Variants in ETV1 observed in about 807,000 individuals in gnomAD.
ETV1 encodes the protein ETS translocation variant 1.
In ETV1, 27 loss-of-function variants were observed where a neutral mutation model predicts 62.3. That is an observed-to-expected ratio of 0.43 (90% CI 0.32 to 0.60). ETV1 has a LOEUF of 0.60. Among genes scored for constraint, ETV1 ranks in the 20% least tolerant of loss-of-function variants. ETV1 has a pLI of 0.06. For missense variants in ETV1, 605 were observed against 605.8 expected, an observed-to-expected ratio of 1.00 and a Z score of 0.01; for synonymous variants, 222 against 199.6, an observed-to-expected ratio of 1.11 and a Z score of -0.94.
At chr7:13,985,329 T>C (rs1292584052) in intron 5 of ETV1, 1 of 152,128 alleles carries the variant, frequency 6.6e-6, no homozygotes, top group Non-Finnish European at 1.5e-5. Flanking sequence ...TCCTTAAATA[T>C]AGCCAAAACT....
intron 9 of ETV1, among the ~76,000 whole-genome samples, chr7:13,917,608 C>T (rs1221649906): frequency 5.3e-5 from 8 of 151,824 alleles, no homozygotes; most frequent in South Asian, 2.1e-4. Flanking sequence ...TGAGCCACCG[C>T]GCCTGACCAA....
At chr7:13,897,143 A>G (rs553170062) in intron 13 of ETV1, among the ~76,000 whole-genome samples, 16 of 134,020 alleles carry the variant, frequency 1.2e-4, no homozygotes, top group African/African-American at 4.5e-4. Flanking sequence ...TGCTCTCAAA[A>G]CCCGGGGTGG....
chr7:13,978,935 T>C (rs1781713528), intron 5 of ETV1, among the ~76,000 whole-genome samples: 1 of 152,048 alleles, frequency 6.6e-6, no homozygotes, highest in South Asian at 2.1e-4. Flanking sequence ...TTAACCTTAT[T>C]ACCAATGCAC....
chr7:13,892,065 T>C lies in ETV1; in HGVS notation c.*3801A>G, dbSNP rs1479941306. The stretch of plus-strand genomic sequence containing the variant: ...TCTTTCCTGGTTATATAAAGATAAG[T>C]TGACTCATTTTGCAATTGTTCTTTT... On this transcript the variant is annotated 3_prime_UTR_variant, in exon 14 of 14. Transcript: ENST00000430479. 4.3e-6 allele frequency: 1 copy of C among 232,174 alleles called. No individual in the cohort carries two copies. The highest frequency in any genetic ancestry group is 8.5e-6 in the Non-Finnish European group (1 of 117,540). The allele number at this position is 232,174 out of a possible 1,614,324, so 14.4% of individuals were successfully genotyped here.
intron 9 of ETV1, among the ~76,000 whole-genome samples, chr7:13,912,397 C>T (rs774666034): frequency 2.0e-5 from 3 of 152,196 alleles, no homozygotes; most frequent in Non-Finnish European, 4.4e-5. Context: ...TGGATAATTT[C>T]ACTAATACCA....
chr7:13,961,581 G>A (rs1452290655), intron 6 of ETV1, among the ~76,000 whole-genome samples: 1 of 151,946 alleles, frequency 6.6e-6, no homozygotes, highest in Non-Finnish European at 1.5e-5. Context: ...CATCTTAATT[G>A]AAAAATCAAC....
chr7:13,918,837 C>T (rs1784496371), intron 9 of ETV1, among the ~76,000 whole-genome samples: 1 of 143,756 alleles, frequency 7.0e-6, no homozygotes, highest in Non-Finnish European at 1.5e-5. Flanking sequence ...AACTAACCTG[C>T]ACAATGTGCA....
rs145866556 is a variant in ETV1, at chr7:13,942,337, A to G, written c.236-3091T>C. On this transcript the variant is annotated intron_variant, in intron 6 of 13. Transcript: ENST00000430479. ...CGTGCCCGGCCTCTTTTTTTAAACA[A>G]GTGGTTTTCGATTATTTATTACATC... 9.2e-4 allele frequency among the ~76,000 whole-genome samples: 133 copies of G among 144,786 alleles called. 1 individual carries two copies. Among genetic ancestry groups the G allele is most frequent in the African/African-American group, 3.1e-3 (125 of 40,504 alleles). The allele number at this position is 144,786 out of a possible 152,430, so 95.0% of individuals were successfully genotyped here. A position where few individuals can be genotyped will look rare whatever the true frequency, so the allele number is the denominator to read the frequency against.
At chr7:13,975,117 G>T (rs1205997803) in intron 6 of ETV1, 1 of 152,202 alleles carries the variant, frequency 6.6e-6, no homozygotes, top group Non-Finnish European at 1.5e-5. Flanking sequence ...ATTAAATAAA[G>T]TTAAAAATTC....
At chr7:13,990,856 C>A (rs1244381636), upstream of ETV1, among the ~76,000 whole-genome samples, 3 of 152,108 alleles carry the variant, frequency 2.0e-5, no homozygotes, top group Non-Finnish European at 4.4e-5. Context: ...GCTGTTCCGC[C>A]CGTTAGGAAA....
intron 6 of ETV1, among the ~76,000 whole-genome samples, chr7:13,965,058 A>G (rs1339969858): frequency 2.6e-5 from 4 of 152,250 alleles, no homozygotes; most frequent in Admixed American, 1.3e-4. Flanking sequence ...CGCTGCTGCT[A>G]CTACTACTAC....
At chr7:13,935,984 T>A in intron 7 of ETV1, 88 bp from the exon 8 acceptor site, 1 of 1,054,946 alleles carries the variant, frequency 9.5e-7, no homozygotes, top group Non-Finnish European at 1.4e-6. Flanking sequence ...GAAAAGATAT[T>A]TTAGACTTAA....
Position 13,935,821 on chromosome 7 carries a change from T to C in ETV1, c.441A>G (p.Pro147=), listed in dbSNP as rs1316141691. The change falls in exon 8 of 14, where the codon CCA becomes CCG. Residue 147 remains proline (P), a synonymous_variant. Coordinates refer to ENST00000430479, the MANE Select transcript of ETV1 (RefSeq NM_004956.5). The part of the protein sequence containing the change: ...PPTPSSTPVS[P]LHHASPNSTH... ...TTGAGTTTGGAGATGCATGATGCAG[T>C]GGGGACACTGGCGTGCTGGATGGTG... 1.2e-6 allele frequency: 2 copies of C among 1,613,846 alleles called. No homozygotes were observed. The highest frequency in any genetic ancestry group is 1.6e-4 in the Middle Eastern group (1 of 6,062).
chr7:13,942,744 CAT>C, intron 6 of ETV1, among the ~76,000 whole-genome samples: 2 of 152,210 alleles, frequency 1.3e-5, no homozygotes, highest in Middle Eastern at 6.8e-3. Flanking sequence ...AGTAACAAAT[CAT>C]ATTATACTTG....
chr7:13,986,626 A>G lies in ETV1; in HGVS notation c.181+12T>C. Reference sequence around the variant, plus strand: ...GTTGCTTTCCCCCCTTTTAAAGCAAATTTTGCCTTACCTTCTGCAAGCCAT... The same window carrying G: ...GTTGCTTTCCCCCCTTTTAAAGCAAGTTTTGCCTTACCTTCTGCAAGCCAT... On this transcript the variant is annotated intron_variant, in intron 5 of 13. Coordinates refer to ENST00000430479, the MANE Select transcript of ETV1 (RefSeq NM_004956.5). 6.2e-7 allele frequency: 1 copy of G among 1,611,876 alleles called. No individual in the cohort carries two copies. The highest frequency in any genetic ancestry group is 8.5e-7 in the Non-Finnish European group (1 of 1,178,966).
chr7:13,936,068 C>T (rs1410334267), intron 7 of ETV1, among the ~76,000 whole-genome samples, 172 bp from the exon 8 acceptor site: 6 of 152,172 alleles, frequency 3.9e-5, no homozygotes, highest in Non-Finnish European at 8.8e-5. Context: ...AAAATCACAA[C>T]ACCCTTAAAC....
At chr7:13,970,326 A>ACACACACACACACAC (rs1562698769) in intron 6 of ETV1, among the ~76,000 whole-genome samples, 2 of 138,482 alleles carry the variant, frequency 1.4e-5, no homozygotes, top group African/African-American at 5.5e-5. Context: ...ACACACACAC[A>ACACACACACACACAC]AAGCAGCAAC....
Position 13,969,255 on chromosome 7 carries a change from A to G in ETV1, c.235+8172T>C, listed in dbSNP as rs533671474. 4.6e-5 allele frequency among the ~76,000 whole-genome samples: 7 copies of G among 152,356 alleles called. No homozygotes were observed. The South Asian group carries it at 1.4e-3, about 32-fold the overall frequency. On this transcript the variant is annotated intron_variant, in intron 6 of 13. Coordinates refer to ENST00000430479, the MANE Select transcript of ETV1 (RefSeq NM_004956.5). ...TTTCTCACAGCTAAAATAGAGAATA[A>G]TCTTTGGAAGAGGAAAATATATATA...
chr7:13,903,935 T>G (rs1275210559), intron 12 of ETV1, among the ~76,000 whole-genome samples: 1 of 151,814 alleles, frequency 6.6e-6, no homozygotes, highest in African/African-American at 2.4e-5. Context: ...AGGTCTGGAG[T>G]CTCACTCAAT....
Sources: gnomAD v4.1 joint callset for allele counts (sites outside exome capture counted in the v4.1 genomes callset) on GRCh38, gnomAD v4.1.1 for gene constraint, MANE v1.5 for transcripts, NCBI Gene and HGNC (gene_info 2026-07-23, HGNC 2026-07-21) for gene names.